Variants in PTPRC observed in about 807,000 individuals in gnomAD.
The protein encoded by PTPRC is protein tyrosine phosphatase receptor type C.
In PTPRC, 44 loss-of-function variants were observed where a neutral mutation model predicts 155.9. The ratio of observed to expected loss-of-function variants is 0.28; its 90% CI spans 0.22 to 0.36. The LOEUF (loss-of-function observed/expected upper bound fraction) is 0.36. PTPRC is among the 10% of genes least tolerant of loss of function. The pLI is 1.00. For synonymous variants in PTPRC, 525 were observed against 533.1 expected, an observed-to-expected ratio of 0.98 and a Z score of 0.21; for missense variants, 1,401 against 1,564.6, an observed-to-expected ratio of 0.90 and a Z score of 1.76.
At chr1:198,685,684 A>G (rs1461103017) in intron 2 of PTPRC, among the ~76,000 whole-genome samples, 1 of 152,094 alleles carries the variant, frequency 6.6e-6, no homozygotes, top group African/African-American at 2.4e-5. Context: ...ATGCATTGCT[A>G]AGAAAGGAAA....
chr1:198,731,552 A>G, intron 17 of PTPRC, 65 bp from the exon 18 acceptor site: 1 of 1,224,122 alleles, frequency 8.2e-7, no homozygotes, highest in Non-Finnish European at 1.2e-6. Context: ...TGTAAATTTA[A>G]TGAAATGTGT....
chr1:198,707,531 G>A (rs1162446788), intron 9 of PTPRC, among the ~76,000 whole-genome samples: 2 of 152,064 alleles, frequency 1.3e-5, no homozygotes, highest in Admixed American at 6.6e-5. Flanking sequence ...TTCCAGAGCC[G>A]TGTAATTTTT....
chr1:198,735,859 TG>T (rs763766281), intron 23 of PTPRC, among the ~76,000 whole-genome samples: 2 of 151,232 alleles, frequency 1.3e-5, no homozygotes, highest in African/African-American at 2.4e-5. Context: ...CAAACAGAAA[TG>T]GGGAGTGGCT....
At chr1:198,667,659 G>GA (rs201721380) in intron 2 of PTPRC, among the ~76,000 whole-genome samples, 3 of 152,166 alleles carry the variant, frequency 2.0e-5, no homozygotes, top group East Asian at 3.8e-4. Flanking sequence ...TAAGAATATA[G>GA]AAAAGAAAGT....
intron 20 of PTPRC, among the ~76,000 whole-genome samples, chr1:198,733,493 C>T (rs1654489901): frequency 6.6e-6 from 1 of 151,610 alleles, no homozygotes; most frequent in Non-Finnish European, 1.5e-5. Context: ...TTCTTGTGAC[C>T]CATGTTTCAA....
chr1:198,712,805 A>G (rs1177798899), intron 11 of PTPRC, 148 bp from the exon 12 acceptor site: 1 of 871,574 alleles, frequency 1.1e-6, no homozygotes, highest in Non-Finnish European at 1.8e-6. Context: ...AAAACAAATT[A>G]AATGAGCCCA....
In PTPRC at chr1:198,696,929, T is replaced by A. The variant is rs751118729; in HGVS notation, c.298+20T>A. ...CCACAGGTTGGCACACAAAAGTTGT[T>A]AACTTAAATATCAGGGAATGTCATT... On this transcript the variant is annotated intron_variant, in intron 4 of 32. Coordinates refer to ENST00000442510, the MANE Select transcript of PTPRC (RefSeq NM_002838.5). The A allele has an allele frequency of 3.8e-5, 60 of 1,585,140 alleles. No individual in the cohort carries two copies. The highest frequency in any genetic ancestry group is 4.9e-5 in the Non-Finnish European group (57 of 1,153,780).
chr1:198,694,428 C>A, intron 3 of PTPRC: 3 of 1,078,436 alleles, frequency 2.8e-6, no homozygotes, highest in Non-Finnish European at 3.4e-6. Flanking sequence ...TACTTTGCAT[C>A]CTTCAATCCA....
At chr1:198,740,557 G>A (rs1350114690) in intron 23 of PTPRC, among the ~76,000 whole-genome samples, 1 of 151,100 alleles carries the variant, frequency 6.6e-6, no homozygotes, top group African/African-American at 2.4e-5. Context: ...ACTCAAGCCT[G>A]GGCTTTGCAG....
chr1:198,726,550 A>G (rs1654142492), intron 15 of PTPRC, among the ~76,000 whole-genome samples: 3 of 152,208 alleles, frequency 2.0e-5, no homozygotes, highest in African/African-American at 7.2e-5. Context: ...CAAAGAAATG[A>G]CAGAGCCTGA....
chr1:198,734,130 A>G (rs1387472281), intron 20 of PTPRC, 66 bp from the exon 21 acceptor site: 1 of 1,500,566 alleles, frequency 6.7e-7, no homozygotes. Context: ...CTAACTCACA[A>G]TTTTTCCTGT....
At chr1:198,741,820 A>C (rs1571886415) in intron 23 of PTPRC, 49 bp from the exon 24 acceptor site, 1 of 1,559,282 alleles carries the variant, frequency 6.4e-7, no homozygotes, top group East Asian at 2.3e-5. Context: ...TATGTTTCAT[A>C]GTTTGCTTTA....
At chr1:198,714,219 C>G (rs2102431876) in intron 12 of PTPRC, among the ~76,000 whole-genome samples, 1 of 152,056 alleles carries the variant, frequency 6.6e-6, no homozygotes, top group South Asian at 2.1e-4. Flanking sequence ...TCTGAATCTT[C>G]TATTCACTAT....
At chr1:198,660,067 A>G (rs1265859582) in intron 2 of PTPRC, among the ~76,000 whole-genome samples, 3 of 101,642 alleles carry the variant, frequency 3.0e-5, no homozygotes, top group African/African-American at 1.0e-4. Context: ...ATATATATAT[A>G]TGATCTTTTT....
At chr1:198,690,079 T>C (rs1665847755) in intron 2 of PTPRC, among the ~76,000 whole-genome samples, 1 of 152,194 alleles carries the variant, frequency 6.6e-6, no homozygotes, top group Admixed American at 6.5e-5. Flanking sequence ...CATATCAACC[T>C]AATTTTAGAT....
At chr1:198,741,299 T>C (rs1474483508) in intron 23 of PTPRC, among the ~76,000 whole-genome samples, 1 of 151,890 alleles carries the variant, frequency 6.6e-6, no homozygotes, top group Non-Finnish European at 1.5e-5. Flanking sequence ...GGGGCTGACT[T>C]TCCTCAGTCG....
At chr1:198,702,578 T>A in intron 6 of PTPRC, 48 bp downstream of exon 6, 1 of 1,607,738 alleles carries the variant, frequency 6.2e-7, no homozygotes, top group Non-Finnish European at 8.5e-7. Flanking sequence ...GATAATGAAA[T>A]GGAAACTCAA....
At chr1:198,755,831 T>C in intron 32 of PTPRC, 75 bp from the exon 33 acceptor site, 2 of 1,436,866 alleles carry the variant, frequency 1.4e-6, no homozygotes, top group Non-Finnish European at 2.0e-6. Flanking sequence ...CATTAGTTCT[T>C]GCTAATCTTC....
At chr1:198,649,996 G>T (rs1346125952) in intron 2 of PTPRC, among the ~76,000 whole-genome samples, 1 of 151,824 alleles carries the variant, frequency 6.6e-6, no homozygotes, top group African/African-American at 2.4e-5. Flanking sequence ...TTATGAAGAA[G>T]AATCATTGAG....
Sources: allele counts gnomAD v4.1 joint callset (sites outside exome capture counted in the v4.1 genomes callset), GRCh38; gene constraint gnomAD v4.1.1; transcripts MANE v1.5; gene names NCBI Gene and HGNC (gene_info 2026-07-23, HGNC 2026-07-21).